VWA3B: variants seen among roughly 807,000 people sequenced by gnomAD.
VWA3B encodes the protein von Willebrand factor A domain containing 3B.
VWA3B carries 138 observed loss-of-function variants against 158.3 expected under a neutral mutation model. The observed-to-expected ratio is 0.87, with a 90% CI of 0.76 to 1.00. VWA3B has a LOEUF of 1.00. Ranked by LOEUF, VWA3B falls within the 50% of genes least tolerant of loss-of-function variation. VWA3B has a pLI of 0.00. For missense variants in VWA3B, 1,555 were observed against 1,565.1 expected, an observed-to-expected ratio of 0.99 and a Z score of 0.11; for synonymous variants, 596 against 587.3, an observed-to-expected ratio of 1.01 and a Z score of -0.21.
intron 9 of VWA3B, among the ~76,000 whole-genome samples, chr2:98,183,874 A>G (rs1680790770): frequency 6.6e-6 from 1 of 152,246 alleles, no homozygotes; most frequent in Admixed American, 6.5e-5. Flanking sequence ...TGCATGTCTG[A>G]GCACAGTGCC....
chr2:98,300,884 C>T (rs1172357473), intron 25 of VWA3B, among the ~76,000 whole-genome samples: 1 of 152,156 alleles, frequency 6.6e-6, no homozygotes, highest in African/African-American at 2.4e-5. Context: ...CCTGGTTCCC[C>T]ATCTCCTACT....
rs79956147 is a variant in VWA3B at position 98,144,941 on chromosome 2, C to T, written c.988+11002C>T. Reference sequence around the variant, plus strand: ...CCTGGCTGCTACAATGCCCTTGGCTCACTTTTCTCCCTTGAGTGGCTCAGG... The same window carrying T: ...CCTGGCTGCTACAATGCCCTTGGCTTACTTTTCTCCCTTGAGTGGCTCAGG... On this transcript the variant is annotated intron_variant, in intron 7 of 27. Transcript: ENST00000477737. Among the ~76,000 whole-genome samples the T allele has an allele frequency of 3.4e-4, 52 of 152,354 alleles. No individual in the cohort carries two copies. In the East Asian group the frequency reaches 9.2e-3, roughly 27 times the overall value.
chr2:98,293,846 C>T (rs1175418389), intron 23 of VWA3B, among the ~76,000 whole-genome samples: 2 of 152,000 alleles, frequency 1.3e-5, no homozygotes, highest in Admixed American at 6.6e-5. Context: ...CCAATAATGG[C>T]CTTTATCACA....
In VWA3B at chr2:98,115,635, T is replaced by C. The variant is rs771197982; in HGVS notation, c.197-17T>C. On this transcript the variant is annotated splice_polypyrimidine_tract_variant and intron_variant, in intron 2 of 27. Transcript: ENST00000477737. The stretch of plus-strand genomic sequence containing the variant: ...CATGTACTACTGTTTTGATTGTTTT[T>C]CTTTATAAAAATGCAGATTATGTGG... 16 of 1,608,284 alleles carry C rather than the reference T, an allele frequency of 9.9e-6. No individual in the cohort carries two copies. The African/African-American group carries it at 2.1e-4, about 21-fold the overall frequency.
chr2:98,307,763 G>A (rs2106012902), intron 26 of VWA3B, among the ~76,000 whole-genome samples: 1 of 152,272 alleles, frequency 6.6e-6, no homozygotes, highest in South Asian at 2.1e-4. Flanking sequence ...TTCTTCACAG[G>A]CTATTAAAGA....
chr2:98,103,254 G>A (rs1290445106), intron 2 of VWA3B, among the ~76,000 whole-genome samples: 1 of 151,890 alleles, frequency 6.6e-6, no homozygotes, highest in Non-Finnish European at 1.5e-5. Flanking sequence ...TAGTTTGCTG[G>A]TTTTTAAAAT....
chr2:98,111,742 G>A (rs903462924), intron 2 of VWA3B, among the ~76,000 whole-genome samples: 6 of 151,646 alleles, frequency 4.0e-5, no homozygotes, highest in South Asian at 2.1e-4. Context: ...TTTAAATGGG[G>A]TTATTTTTTG....
At chr2:98,092,513 C>G (rs947029825) in intron 1 of VWA3B, among the ~76,000 whole-genome samples, 1 of 151,912 alleles carries the variant, frequency 6.6e-6, no homozygotes, top group African/African-American at 2.4e-5. Context: ...CATGGTGGCA[C>G]GCGCCTGTAA....
intron 7 of VWA3B, among the ~76,000 whole-genome samples, chr2:98,143,923 T>C (rs1405320839): frequency 6.6e-6 from 1 of 151,892 alleles, no homozygotes; most frequent in Non-Finnish European, 1.5e-5. Context: ...GCTACATTTT[T>C]TTAAATTTTT....
chr2:98,145,510 A>G (rs1490571115), intron 7 of VWA3B, among the ~76,000 whole-genome samples: 1 of 152,222 alleles, frequency 6.6e-6, no homozygotes, highest in Non-Finnish European at 1.5e-5. Flanking sequence ...CCATTGCATT[A>G]TGCTGGTTTT....
chr2:98,300,430 G>T (rs1029828580), intron 25 of VWA3B, among the ~76,000 whole-genome samples: 2 of 152,146 alleles, frequency 1.3e-5, no homozygotes, highest in Non-Finnish European at 2.9e-5. Context: ...CAGTTCTTTG[G>T]CTCCCACTGC....
the VWA3B span, among the ~76,000 whole-genome samples, chr2:98,326,533 G>A: frequency 6.6e-6 from 1 of 152,116 alleles, no homozygotes; most frequent in Admixed American, 6.5e-5. Flanking sequence ...GGCTGAGGCA[G>A]GAGGATTGCT....
At chr2:98,191,155 T>A (rs1367030456) in intron 10 of VWA3B, among the ~76,000 whole-genome samples, 1 of 152,242 alleles carries the variant, frequency 6.6e-6, no homozygotes, top group Non-Finnish European at 1.5e-5. Flanking sequence ...TATTTTAAAT[T>A]TCAGATATTG....
chr2:98,230,353 T>G, intron 16 of VWA3B, 146 bp downstream of exon 16: 1 of 831,582 alleles, frequency 1.2e-6, no homozygotes, highest in Non-Finnish European at 1.7e-6. Context: ...TAATTGTACA[T>G]TCACATGATC....
chr2:98,236,493 T>A lies in VWA3B; in HGVS notation c.2516+16T>A. 1 of 1,614,222 alleles carries A rather than the reference T, an allele frequency of 6.2e-7. No homozygotes were observed. The highest frequency in any genetic ancestry group is 8.5e-7 in the Non-Finnish European group (1 of 1,180,022). On this transcript the variant is annotated intron_variant, in intron 18 of 27. Coordinates refer to ENST00000477737, the MANE Select transcript of VWA3B (RefSeq NM_144992.5). ...ATGACCACGAGTGAGTTCTTTAATT[T>A]GACAAAGACAGTTCTGTTATGCTTC... is the stretch of plus-strand genomic sequence containing the variant.
intron 5 of VWA3B, 79 bp downstream of exon 5, chr2:98,121,537 G>A (rs149763259): frequency 3.9e-5 from 60 of 1,549,032 alleles, no homozygotes; most frequent in Non-Finnish European, 4.7e-5. Flanking sequence ...GACTTTACAC[G>A]GCCCTTCAAC....
At chr2:98,181,576 G>A (rs1399117960) in intron 9 of VWA3B, among the ~76,000 whole-genome samples, 3 of 152,226 alleles carry the variant, frequency 2.0e-5, no homozygotes, top group African/African-American at 7.2e-5. Flanking sequence ...GCCCAGCGCA[G>A]CAGGCGTTTC....
chr2:98,153,786 A>C (rs532207301), intron 7 of VWA3B, among the ~76,000 whole-genome samples: 67 of 152,364 alleles, frequency 4.4e-4, no homozygotes, highest in Non-Finnish European at 7.2e-4. Flanking sequence ...GCCACGTTGC[A>C]ACTGACAAGG....
intron 7 of VWA3B, among the ~76,000 whole-genome samples, chr2:98,154,735 C>T (rs1677917139): frequency 6.6e-6 from 1 of 152,180 alleles, no homozygotes; most frequent in Non-Finnish European, 1.5e-5. Context: ...CAGAGAGAAA[C>T]CCTCAAAACT....
Sources: gnomAD v4.1 joint callset for allele counts (sites outside exome capture counted in the v4.1 genomes callset) on GRCh38, gnomAD v4.1.1 for gene constraint, MANE v1.5 for transcripts, NCBI Gene and HGNC (gene_info 2026-07-23, HGNC 2026-07-21) for gene names.